WDR7: variants seen among roughly 807,000 people sequenced by gnomAD.
The protein encoded by WDR7 is WD repeat-containing protein 7.
Under a neutral mutation model 169.4 loss-of-function variants are expected in WDR7, and 46 were observed. The ratio of observed to expected loss-of-function variants is 0.27; its 90% confidence interval spans 0.21 to 0.35. The LOEUF is 0.35. Among genes scored for constraint, WDR7 ranks in the 10% least tolerant of loss-of-function variants. The probability of loss-of-function intolerance (pLI) is 1.00; values close to 1 mark genes in which losing one functional copy is unlikely to be tolerated. For missense variants in WDR7, 1,534 were observed against 1,859.3 expected, an observed-to-expected ratio of 0.83 and a Z score of 3.22; for synonymous variants, 612 against 666.8, an observed-to-expected ratio of 0.92 and a Z score of 1.27.
At chr18:56,930,686 G>A (rs912816840) in intron 22 of WDR7, among the ~76,000 whole-genome samples, 1 of 152,134 alleles carries the variant, frequency 6.6e-6, no homozygotes, top group African/African-American at 2.4e-5. Flanking sequence ...AATAAAATGG[G>A]AATACCAGGG....
chr18:56,877,661 G>C (rs1304349764), intron 20 of WDR7, among the ~76,000 whole-genome samples: 1 of 152,182 alleles, frequency 6.6e-6, no homozygotes, highest in African/African-American at 2.4e-5. Flanking sequence ...TTATCTATCT[G>C]TCACTGCTTA....
chr18:56,662,299 A>G (rs1015187101), intron 1 of WDR7, among the ~76,000 whole-genome samples: 2 of 152,252 alleles, frequency 1.3e-5, no homozygotes, highest in African/African-American at 4.8e-5. Context: ...AGAGCTAGAC[A>G]AACAGTGTGG....
intron 1 of WDR7, among the ~76,000 whole-genome samples, chr18:56,659,666 A>C (rs1286722226): frequency 6.6e-6 from 1 of 152,136 alleles, no homozygotes; most frequent in Non-Finnish European, 1.5e-5. Context: ...GGTGGGGGAC[A>C]CTGTTCTGAG....
intron 1 of WDR7, among the ~76,000 whole-genome samples, chr18:56,670,696 G>C (rs1468750613): frequency 4.6e-5 from 7 of 152,090 alleles, no homozygotes; most frequent in African/African-American, 1.7e-4. Flanking sequence ...TTTTTAGCAG[G>C]GACGGGGTTT....
intron 19 of WDR7, among the ~76,000 whole-genome samples, chr18:56,806,640 G>T (rs896891455): frequency 1.3e-5 from 2 of 152,038 alleles, no homozygotes; most frequent in African/African-American, 4.8e-5. Context: ...CTACAGGAGA[G>T]CCCTTTCTAA....
intron 20 of WDR7, among the ~76,000 whole-genome samples, chr18:56,829,772 G>T (rs558018796): frequency 1.3e-5 from 2 of 152,120 alleles, no homozygotes; most frequent in Non-Finnish European, 2.9e-5. Context: ...AAATTGGGAG[G>T]CACAGGAGGA....
chr18:56,690,715 T>C (rs1215830946), intron 7 of WDR7, among the ~76,000 whole-genome samples: 2 of 151,766 alleles, frequency 1.3e-5, no homozygotes, highest in Non-Finnish European at 2.9e-5. Flanking sequence ...CCAGCTAGGC[T>C]GAGGTAGGAG....
At chr18:56,668,830 T>C (rs1275734312) in intron 1 of WDR7, among the ~76,000 whole-genome samples, 1 of 152,134 alleles carries the variant, frequency 6.6e-6, no homozygotes, top group African/African-American at 2.4e-5. Flanking sequence ...TCCAACCTTA[T>C]TGAATATTAA....
chr18:56,722,604 T>A (rs952743100), intron 13 of WDR7, among the ~76,000 whole-genome samples: 1 of 152,198 alleles, frequency 6.6e-6, no homozygotes, highest in Non-Finnish European at 1.5e-5. Flanking sequence ...CCAAGTATAA[T>A]CAGAGAGTTT....
rs2047003991 is a variant in WDR7, at chr18:56,939,398, A to G, written c.4064+5A>G. 2 of 1,561,880 alleles carry G rather than the reference A, an allele frequency of 1.3e-6. No individual in the cohort carries two copies. On this transcript the variant is annotated splice_donor_5th_base_variant and intron_variant, in intron 25 of 27. Transcript: ENST00000254442. The stretch of plus-strand genomic sequence containing the variant: ...ATGTTTCCCAGCCATCTGCAGGTAA[A>G]GAAGCCTTCAAGAGCATGCAGAATA...
intron 12 of WDR7, among the ~76,000 whole-genome samples, chr18:56,704,908 C>T (rs2025914409): frequency 1.3e-5 from 2 of 152,156 alleles, no homozygotes; most frequent in Admixed American, 1.3e-4. Context: ...TTATTTTGGA[C>T]TGGAGAGAAA....
chr18:56,935,845 T>C lies in WDR7; in HGVS notation c.3771T>C (p.His1257=). The C allele has an allele frequency of 1.2e-6, 2 of 1,614,184 alleles. No individual in the cohort carries two copies. The highest frequency in any genetic ancestry group is 1.1e-5 in the South Asian group (1 of 91,088). ...PAADSARSAR[H]ALSLIATARP... ...CTGACTCGGCCCGCTCTGCGAGGCA[T>C]GCCCTCTCGCTCATTGCCACCGCCA... is the stretch of plus-strand genomic sequence containing the variant. Residue 1257 remains histidine (H), a synonymous_variant, in exon 23 of 28, where the codon CAT becomes CAC. Coordinates refer to ENST00000254442, the MANE Select transcript of WDR7 (RefSeq NM_015285.3).
At chr18:56,855,634 G>T (rs1214043) in intron 20 of WDR7, among the ~76,000 whole-genome samples, 143,794 of 151,936 alleles carry the variant, frequency 0.95, 68,147 homozygotes, top group East Asian at 1. Flanking sequence ...ACCCTGGGGG[G>T]TTTTTGCTTA....
At chr18:56,832,476 C>T (rs556069191) in intron 20 of WDR7, among the ~76,000 whole-genome samples, 5 of 152,212 alleles carry the variant, frequency 3.3e-5, no homozygotes, top group East Asian at 1.9e-4. Flanking sequence ...CCCAGCACAG[C>T]GCTAGAGCTC....
intron 19 of WDR7, among the ~76,000 whole-genome samples, chr18:56,811,910 T>C (rs972846276): frequency 1.3e-5 from 2 of 152,204 alleles, no homozygotes; most frequent in African/African-American, 4.8e-5. Flanking sequence ...ATGACTTTTT[T>C]CTACTTTATT....
At chr18:56,913,623 C>CAAA (rs3045241) in intron 21 of WDR7, among the ~76,000 whole-genome samples, 3 of 134,820 alleles carry the variant, frequency 2.2e-5, no homozygotes, top group African/African-American at 2.9e-5. Context: ...CCCATCTCTA[C>CAAA]AAAAAAAAAA....
intron 7 of WDR7, among the ~76,000 whole-genome samples, chr18:56,687,175 G>C (rs367715770): frequency 6.6e-6 from 1 of 152,126 alleles, no homozygotes; most frequent in East Asian, 1.9e-4. Context: ...TTTATGGAAT[G>C]ATTCAATTAG....
intron 14 of WDR7, 38 bp from the exon 15 acceptor site, chr18:56,756,545 T>C (rs1241933632): frequency 6.8e-7 from 1 of 1,468,488 alleles, no homozygotes; most frequent in Admixed American, 2.2e-5. Context: ...AATTAAGCAC[T>C]TTTAATTATA....
At chr18:56,997,175 A>G (rs1270129827) in intron 26 of WDR7, among the ~76,000 whole-genome samples, 1 of 152,230 alleles carries the variant, frequency 6.6e-6, no homozygotes, top group Non-Finnish European at 1.5e-5. Context: ...AGAGGAAAGG[A>G]AGCAATTACT....
Sources: allele counts gnomAD v4.1 joint callset (sites outside exome capture counted in the v4.1 genomes callset), GRCh38; gene constraint gnomAD v4.1.1; transcripts MANE v1.5; gene names NCBI Gene and HGNC (gene_info 2026-07-23, HGNC 2026-07-21).